COCH: variants seen among roughly 807,000 people sequenced by gnomAD.
The protein encoded by COCH is cochlin, also known as coagulation factor C homolog, cochlin (Limulus polyphemus).
COCH carries 40 observed loss-of-function variants against 54.8 expected under a neutral mutation model. The ratio of observed to expected loss-of-function variants is 0.73; its 90% CI spans 0.57 to 0.95. COCH has a LOEUF of 0.95. COCH is among the 40% of genes least tolerant of loss of function. The pLI is 0.00. For missense variants in COCH, 605 were observed against 675.0 expected, an observed-to-expected ratio of 0.90 and a Z score of 1.15; for synonymous variants, 256 against 237.9, an observed-to-expected ratio of 1.08 and a Z score of -0.70.
At chr14:30,874,690 C>T (rs748429961) in intron 1 of COCH, 99 bp downstream of exon 1, 34 of 595,956 alleles carry the variant, frequency 5.7e-5, no homozygotes, top group Non-Finnish European at 8.9e-5. Context: ...CGTTTTGGCG[C>T]CCCCGCCTCC....
chr14:30,883,928 TA>T (rs1226198809), intron 8 of COCH, among the ~76,000 whole-genome samples: 2 of 152,262 alleles, frequency 1.3e-5, no homozygotes, highest in East Asian at 3.9e-4. Flanking sequence ...TTTGTCCCTT[TA>T]AAAAAATGTT....
At chr14:30,875,173 C>T in intron 3 of COCH, 70 bp downstream of exon 3, 1 of 1,535,176 alleles carries the variant, frequency 6.5e-7, no homozygotes, top group Non-Finnish European at 8.8e-7. Flanking sequence ...AAGCGGGACT[C>T]AGATCCAGCC....
In COCH at chr14:30,877,388, A is replaced by G. The variant is rs2138836242; in HGVS notation, c.83-184A>G. The G allele has an allele frequency of 3.0e-6, 2 of 674,090 alleles. No individual in the cohort carries two copies. The highest frequency in any genetic ancestry group is 5.0e-6 in the Non-Finnish European group (2 of 403,906). 41.8% of individuals were successfully genotyped at this position (674,090 alleles called of 1,614,324 possible). A position where few individuals can be genotyped will look rare whatever the true frequency, so the allele number is the denominator to read the frequency against. On this transcript the variant is annotated intron_variant, in intron 3 of 11. Coordinates refer to ENST00000396618, the MANE Select transcript of COCH (RefSeq NM_004086.3). This position sits in a 1 kb window ranked among gnomAD's most constrained non-coding sequence, Gnocchi z 8.6. ...TTATAGTGGCTGGGGACTATATTAA[A>G]TTGGAAAACAACCTTGTGGCTTGCC...
chr14:30,879,572 A>G, intron 6 of COCH, 87 bp downstream of exon 6: 1 of 1,388,332 alleles, frequency 7.2e-7, no homozygotes, highest in Non-Finnish European at 1.0e-6. Context: ...AGCTTTTCTT[A>G]AAGAAATTTG....
chr14:30,895,349 G>T, downstream of COCH: 1 of 1,487,684 alleles, frequency 6.7e-7, no homozygotes, highest in Non-Finnish European at 9.0e-7. Flanking sequence ...CTTTCTGATG[G>T]CAGTGATGCA....
chr14:30,884,135 T>C (rs1310039694), intron 8 of COCH, among the ~76,000 whole-genome samples: 3 of 152,178 alleles, frequency 2.0e-5, no homozygotes, highest in Non-Finnish European at 4.4e-5. Flanking sequence ...CCAAGCCCGA[T>C]TTCAAGTTCT....
chr14:30,881,459 C>T (rs1759450711), intron 8 of COCH, among the ~76,000 whole-genome samples: 1 of 152,100 alleles, frequency 6.6e-6, no homozygotes, highest in African/African-American at 2.4e-5. Flanking sequence ...ATATAAGAAC[C>T]AGAAGGTAGA....
In COCH at chr14:30,885,634, G is replaced by A. The variant is rs368008430; in HGVS notation, c.960+14G>A. The A allele has an allele frequency of 4.2e-5, 64 of 1,539,828 alleles. No individual in the cohort carries two copies. Among genetic ancestry groups the A allele is most frequent in the Non-Finnish European group, 5.4e-5 (60 of 1,112,560 alleles). On this transcript the variant is annotated intron_variant, in intron 10 of 11. Transcript: ENST00000396618. ...TTTGTTGACAAGGTAAAGTGGTGAG[G>A]GTTATCTTCTGTTACAGTGATGGGT...
chr14:30,882,908 C>T (rs969912604), intron 8 of COCH, among the ~76,000 whole-genome samples: 5 of 152,044 alleles, frequency 3.3e-5, no homozygotes, highest in Admixed American at 2.0e-4. Context: ...AAATAAATAG[C>T]GAAATTGCTT....
In COCH at chr14:30,885,400, C is replaced by G. The variant is rs749516210; in HGVS notation, c.740C>G (p.Ala247Gly). 1.2e-5 allele frequency: 19 copies of G among 1,612,872 alleles called. No homozygotes were observed. Among genetic ancestry groups the G allele is most frequent in the African/African-American group, 2.7e-5 (2 of 74,886 alleles). The part of the protein sequence containing the change: ...FRGGNSNTGK[A>G]LKHTAQKFFT... ...GCTTCTTTTTCAAATTTAGGAAAAG[C>G]CTTGAAGCATACTGCTCAGAAATTC... The change falls in exon 10 of 12, where the codon GCC (alanine) becomes GGC (glycine). Residue 247 changes from alanine (A) to glycine (G), a missense_variant. By Grantham distance (60) the Ala-to-Gly change is moderately conservative. Transcript: ENST00000396618.
Position 30,877,330 on chromosome 14 carries a change from G to T in COCH, c.83-242G>T. The T allele has an allele frequency of 2.1e-6, 1 of 486,438 alleles. No homozygotes were observed. The highest frequency in any genetic ancestry group is 2.3e-5 in the South Asian group (1 of 44,040). 30.1% of individuals were successfully genotyped at this position (486,438 alleles called of 1,614,324 possible). A position where few individuals can be genotyped will look rare whatever the true frequency, so the allele number is the denominator to read the frequency against. On this transcript the variant is annotated intron_variant, in intron 3 of 11. Coordinates refer to ENST00000396618, the MANE Select transcript of COCH (RefSeq NM_004086.3). The surrounding 1 kb of genome is among the most constrained non-coding windows in gnomAD (Gnocchi z 8.6). ...GAGTCCCCATTTCAAAAACAAAAACGAAATAAAAACCCAGAACTTTCACAT... is the reference window on the plus strand; with the variant it reads ...GAGTCCCCATTTCAAAAACAAAAACTAAATAAAAACCCAGAACTTTCACAT...
chr14:30,884,147 C>T (rs547629494), intron 8 of COCH, among the ~76,000 whole-genome samples: 6 of 152,164 alleles, frequency 3.9e-5, no homozygotes, highest in Non-Finnish European at 2.9e-5. Flanking sequence ...TCAAGTTCTC[C>T]GTATAGTTTA....
In COCH at chr14:30,878,876, C is replaced by T. The variant is rs1357282901; in HGVS notation, c.305C>T (p.Ser102Phe). ...VYSLPGRENY[S>F]SVDANGIQSQ... The stretch of plus-strand genomic sequence containing the variant: ...AGCCTACCTGGTCGAGAAAACTATT[C>T]CTCAGTAGATGCCAATGGCATCCAG... The change falls in exon 5 of 12, where the codon TCC becomes TTC. Residue 102 changes from serine to phenylalanine, a missense_variant. Ser to Phe is a radical substitution (Grantham distance 155, BLOSUM62 -2). Transcript: ENST00000396618. The T allele has an allele frequency of 2.1e-5, 34 of 1,614,162 alleles. No homozygotes were observed. The highest frequency in any genetic ancestry group is 1.7e-4 in the Middle Eastern group (1 of 6,060).
At chr14:30,891,318 T>G (rs753603513), downstream of COCH, among the ~76,000 whole-genome samples, 2 of 152,166 alleles carry the variant, frequency 1.3e-5, no homozygotes, top group Non-Finnish European at 2.9e-5. Context: ...CTTGTCTGTC[T>G]TTTCTAAAGA....
In COCH at chr14:30,889,705, T is replaced by C. The variant is rs1321621309; in HGVS notation, c.1567T>C (p.Phe523Leu). The C allele has an allele frequency of 1.9e-6, 3 of 1,613,958 alleles. No individual in the cohort carries two copies. The highest frequency in any genetic ancestry group is 2.7e-5 in the African/African-American group (2 of 74,952). Reference protein sequence around the residue: ...ASKPKESHAFFTREFTGLEPI... With the variant: ...ASKPKESHAFLTREFTGLEPI... ...TAAACCGAAGGAGTCTCATGCTTTC[T>C]TCACAAGAGAGTTCACAGGATTAGA... Residue 523 changes from phenylalanine to leucine, a missense_variant, in exon 12 of 12, where the codon TTC becomes CTC. Physicochemically the swap from Phe to Leu is conservative, Grantham distance 22. Coordinates refer to ENST00000396618, the MANE Select transcript of COCH (RefSeq NM_004086.3).
rs747755472 is a variant in COCH, at chr14:30,877,547, A to G, written c.83-25A>G. 1 of 1,613,392 alleles carries G rather than the reference A, an allele frequency of 6.2e-7. No homozygotes were observed. Among genetic ancestry groups the G allele is most frequent in the Non-Finnish European group, 8.5e-7 (1 of 1,179,990 alleles). On this transcript the variant is annotated intron_variant, in intron 3 of 11. Transcript: ENST00000396618. The surrounding 1 kb of genome is among the most constrained non-coding windows in gnomAD (Gnocchi z 8.6). ...GCCCCAAGAAGTCCTAAGAATGCTT[A>G]CAATATTATCTCCTTTTTCTTCAGC...
intron 9 of COCH, chr14:30,884,925 A>C (rs1302477112): frequency 6.3e-7 from 1 of 1,597,132 alleles, no homozygotes; most frequent in Admixed American, 1.7e-5. Flanking sequence ...ACATTGGAGA[A>C]GTATCTCTTT....
chr14:30,886,771 G>C (rs973599042), intron 11 of COCH, among the ~76,000 whole-genome samples: 7 of 152,192 alleles, frequency 4.6e-5, no homozygotes, highest in Non-Finnish European at 1.0e-4. Flanking sequence ...CACCAGGCTG[G>C]AGTGCAGTGG....
At chr14:30,875,602 T>TA (rs1895330899) in intron 3 of COCH, 3 of 380,176 alleles carry the variant, frequency 7.9e-6, no homozygotes, top group Non-Finnish European at 1.4e-5. Flanking sequence ...GTAACCCCTA[T>TA]AATCAGAAGC....
Sources: gnomAD v4.1 joint callset for allele counts (sites outside exome capture counted in the v4.1 genomes callset) on GRCh38, gnomAD v4.1.1 for gene constraint, Gnocchi (gnomAD v3.1) non-coding constraint, MANE v1.5 for transcripts, NCBI Gene and HGNC (gene_info 2026-07-23, HGNC 2026-07-21) for gene names.